Variants in PDE1C observed in about 807,000 individuals in gnomAD.
The protein encoded by PDE1C is dual specificity calcium/calmodulin-dependent 3',5'-cyclic nucleotide phosphodiesterase 1C.
In PDE1C, 62 loss-of-function variants were observed where a neutral mutation model predicts 93.1. That is an observed-to-expected ratio of 0.67 (90% CI 0.54 to 0.82). The LOEUF is 0.82. PDE1C is among the 40% of genes least tolerant of loss of function. PDE1C has a pLI of 0.00. For missense variants in PDE1C, 742 were observed against 884.6 expected (o/e 0.84, Z 2.04); for synonymous variants, 325 against 310.1 (o/e 1.05, Z -0.50).
intron 1 of PDE1C, among the ~76,000 whole-genome samples, chr7:32,312,973 A>G (rs1408034650): frequency 3.9e-5 from 6 of 152,206 alleles, no homozygotes; most frequent in East Asian, 1.9e-4. Flanking sequence ...GGCAACCTAC[A>G]AAATGGGAGA....
At chr7:32,209,564 T>C (rs562371603) in intron 1 of PDE1C, 18 of 1,542,366 alleles carry the variant, frequency 1.2e-5, no homozygotes, top group Non-Finnish European at 1.6e-5. Flanking sequence ...GAGGATGCAA[T>C]TTAAATAAAT....
At chr7:32,331,972 G>A (rs1175656883) in intron 1 of PDE1C, among the ~76,000 whole-genome samples, 1 of 152,158 alleles carries the variant, frequency 6.6e-6, no homozygotes, top group African/African-American at 2.4e-5. Context: ...TTGGAAGGAA[G>A]TGAGGTTTTA....
At chr7:31,894,233 G>A (rs1798991618) in intron 2 of PDE1C, among the ~76,000 whole-genome samples, 2 of 152,148 alleles carry the variant, frequency 1.3e-5, no homozygotes, top group South Asian at 2.1e-4. Context: ...GCTATCGATC[G>A]AGTGTTTCTT....
At chr7:32,194,073 C>G (rs762782211) in intron 2 of PDE1C, among the ~76,000 whole-genome samples, 2 of 151,950 alleles carry the variant, frequency 1.3e-5, no homozygotes, top group Non-Finnish European at 2.9e-5. Context: ...CGCCACCACA[C>G]CCGGTAATTT....
At chr7:32,154,883 G>C (rs749268599) in intron 3 of PDE1C, among the ~76,000 whole-genome samples, 7 of 152,240 alleles carry the variant, frequency 4.6e-5, no homozygotes, top group African/African-American at 4.8e-5. Context: ...GTCTGAAGAA[G>C]GGCTTCCTAG....
At chr7:32,014,058 C>A (rs931511965) in intron 2 of PDE1C, among the ~76,000 whole-genome samples, 1 of 152,226 alleles carries the variant, frequency 6.6e-6, no homozygotes, top group Admixed American at 6.5e-5. Flanking sequence ...GTCCCATAGA[C>A]CACGTGGGTG....
chr7:31,624,558 T>G, the PDE1C span, among the ~76,000 whole-genome samples: 8 of 135,992 alleles, frequency 5.9e-5, no homozygotes, highest in African/African-American at 2.2e-4. Context: ...CTGGGAAAAC[T>G]GGCTAGCCAT....
chr7:31,777,135 G>A (rs1384228511), intron 16 of PDE1C, among the ~76,000 whole-genome samples: 1 of 149,102 alleles, frequency 6.7e-6, no homozygotes, highest in African/African-American at 2.5e-5. Flanking sequence ...AAAACTTAAA[G>A]TATAATAAAA....
intron 2 of PDE1C, among the ~76,000 whole-genome samples, chr7:32,011,814 C>T (rs1375222485): frequency 6.6e-6 from 1 of 152,166 alleles, no homozygotes; most frequent in Non-Finnish European, 1.5e-5. Context: ...GTAGCCATTC[C>T]ACTTTTAGGT....
chr7:32,155,269 T>C (rs898164074), intron 3 of PDE1C, among the ~76,000 whole-genome samples: 2 of 152,226 alleles, frequency 1.3e-5, no homozygotes, highest in African/African-American at 4.8e-5. Context: ...ATCTTGAATA[T>C]GTTCATGTCT....
the PDE1C span, among the ~76,000 whole-genome samples, chr7:31,684,871 C>A: frequency 1.3e-5 from 2 of 152,112 alleles, no homozygotes; most frequent in African/African-American, 4.8e-5. Context: ...AGGAAACATG[C>A]AATTGTCAGT....
chr7:32,071,730 C>A (rs926655883), upstream of PDE1C, among the ~76,000 whole-genome samples: 3 of 152,034 alleles, frequency 2.0e-5, no homozygotes, highest in African/African-American at 7.2e-5. Flanking sequence ...TCTGGAAGAA[C>A]GGGACCAGGT....
chr7:32,015,793 T>C (rs1025308343), intron 2 of PDE1C, among the ~76,000 whole-genome samples: 10 of 152,098 alleles, frequency 6.6e-5, no homozygotes, highest in African/African-American at 2.4e-4. Flanking sequence ...CATGGAAATA[T>C]GGGTAAAAAT....
At chr7:32,045,210 C>A (rs1275350459) in intron 2 of PDE1C, among the ~76,000 whole-genome samples, 1 of 152,028 alleles carries the variant, frequency 6.6e-6, no homozygotes, top group East Asian at 1.9e-4. Context: ...TCCCCCACCC[C>A]CAGCCATGTT....
intron 2 of PDE1C, among the ~76,000 whole-genome samples, chr7:31,944,224 T>C (rs1806271137): frequency 6.6e-6 from 1 of 152,216 alleles, no homozygotes; most frequent in Admixed American, 6.5e-5. Flanking sequence ...CATCCTACTA[T>C]GCTCTGTCTG....
At chr7:31,805,032 A>G (rs1786638964) in intron 16 of PDE1C, among the ~76,000 whole-genome samples, 1 of 151,656 alleles carries the variant, frequency 6.6e-6, no homozygotes, top group African/African-American at 2.4e-5. Context: ...TTCTCATGAT[A>G]GTAAATAAGT....
At chr7:31,659,813 TTTTA>T in the PDE1C span, among the ~76,000 whole-genome samples, 1 of 152,200 alleles carries the variant, frequency 6.6e-6, no homozygotes, top group Non-Finnish European at 1.5e-5. Context: ...TCCAACTCTA[TTTTA>T]TTCACCTTTT....
At chr7:31,686,591 C>T in the PDE1C span, 1 of 152,204 alleles carries the variant, frequency 6.6e-6, no homozygotes, top group Non-Finnish European at 1.5e-5. Context: ...CCCATTCAAA[C>T]CCTAGCTTCA....
At chr7:31,811,095 A>G (rs1205816870) in intron 15 of PDE1C, among the ~76,000 whole-genome samples, 1 of 152,082 alleles carries the variant, frequency 6.6e-6, no homozygotes, top group African/African-American at 2.4e-5. Flanking sequence ...TTGTGGGAGG[A>G]ACCCAGTGGA....
Sources: allele counts gnomAD v4.1 joint callset (sites outside exome capture counted in the v4.1 genomes callset), GRCh38; gene constraint gnomAD v4.1.1; transcripts MANE v1.5; gene names NCBI Gene and HGNC (gene_info 2026-07-23, HGNC 2026-07-21).